The following SLCO4A1 variants were observed in gnomAD, a reference collection of about 807,000 sequenced individuals.
SLCO4A1 encodes the protein solute carrier organic anion transporter family member 4A1, also known as colon organic anion transporter.
Under a neutral mutation model 64.6 loss-of-function variants are expected in SLCO4A1, and 51 were observed. That is an observed-to-expected ratio of 0.79 (90% confidence interval 0.63 to 1.00). The LOEUF is 1.00. Among genes scored for constraint, SLCO4A1 ranks in the 50% least tolerant of loss-of-function variants. SLCO4A1 has a pLI of 0.00. For missense variants in SLCO4A1, 919 were observed against 980.5 expected, an observed-to-expected ratio of 0.94 and a Z score of 0.84; for synonymous variants, 471 against 444.9, an observed-to-expected ratio of 1.06 and a Z score of -0.74.
chr20:62,646,852 G>A (rs1981425529), intron 1 of SLCO4A1, among the ~76,000 whole-genome samples: 1 of 152,240 alleles, frequency 6.6e-6, no homozygotes, highest in African/African-American at 2.4e-5. Flanking sequence ...CCATGGATGG[G>A]ATGATGAGTC....
In SLCO4A1 at chr20:62,666,661, G is replaced by A. The variant is rs1986404813; in HGVS notation, c.1472+86G>A. 1.7e-5 allele frequency: 21 copies of A among 1,204,788 alleles called. No individual in the cohort carries two copies. The South Asian group carries it at 2.3e-4, about 13-fold the overall frequency. The allele number at this position is 1,204,788 out of a possible 1,614,324, so 74.6% of individuals were successfully genotyped here. On this transcript the variant is annotated intron_variant, in intron 7 of 11. Coordinates refer to ENST00000217159, the MANE Select transcript of SLCO4A1 (RefSeq NM_016354.4). ...ATGGAGGAGGAGTGGTGCAGCACTT[G>A]GGAGAGGTGGTTTTGAAAAGGGCTA...
chr20:62,672,775 G>A (rs1013649324), downstream of SLCO4A1, among the ~76,000 whole-genome samples: 17 of 152,142 alleles, frequency 1.1e-4, no homozygotes, highest in African/African-American at 4.1e-4. Flanking sequence ...GTGGGTGCAG[G>A]TCCCACAGGA....
Position 62,685,405 on chromosome 20 carries a change from CT to C in SLCO4A1, n.212-35del. On this transcript the variant is annotated intron_variant and non_coding_transcript_variant, in intron 2 of 2. Coordinates refer to the SLCO4A1 transcript ENST00000466818. The surrounding 1 kb of genome is among the most constrained non-coding windows in gnomAD (Gnocchi z 4.6). Reference sequence around the variant, plus strand: ...CTCTGCTGTGGCCTGACCAAGCGGGCTGTTTTCTTGCTTTGTTTGTTGTTTT... The same window carrying C: ...CTCTGCTGTGGCCTGACCAAGCGGGCGTTTTCTTGCTTTGTTTGTTGTTTT... The C allele has an allele frequency of 1.0e-6, 1 of 982,450 alleles. No homozygotes were observed. Among genetic ancestry groups the C allele is most frequent in the Non-Finnish European group, 1.2e-6 (1 of 827,210 alleles). The allele number at this position is 982,450 out of a possible 1,614,324, so 60.9% of individuals were successfully genotyped here. A position where few individuals can be genotyped will look rare whatever the true frequency, so the allele number is the denominator to read the frequency against.
intron 1 of SLCO4A1, chr20:62,643,338 T>G (rs1408738468): frequency 2.7e-5 from 6 of 218,608 alleles, no homozygotes; most frequent in Non-Finnish European, 5.7e-5. Flanking sequence ...AGACCGGCCC[T>G]AGACCGGGAA....
chr20:62,676,990 G>A (rs1378978727), downstream of SLCO4A1, among the ~76,000 whole-genome samples: 1 of 152,250 alleles, frequency 6.6e-6, no homozygotes, highest in Non-Finnish European at 1.5e-5. Flanking sequence ...GCGCTATGGT[G>A]TGCAGGTGCG....
intron 1 of SLCO4A1, among the ~76,000 whole-genome samples, chr20:62,655,345 C>T (rs993712614): frequency 1.1e-4 from 15 of 141,366 alleles, no homozygotes; most frequent in East Asian, 2.2e-4. Context: ...ACAGCAGCCC[C>T]GGGAAGGACC....
In SLCO4A1 at chr20:62,661,167, C is replaced by T; in HGVS notation, c.1113C>T (p.Asp371=). ...SNPDFGKTIR[D]LPLSIWLLLK... ...CGGACTTTGGGAAAACCATCAGAGA[C>T]CTGCCTCTGTAAGGACCGGAGTCGG... Residue 371 remains aspartate, a synonymous_variant, in exon 5 of 12, where the codon GAC becomes GAT. Coordinates refer to ENST00000217159, the MANE Select transcript of SLCO4A1 (RefSeq NM_016354.4). This position sits in a 1 kb window ranked among gnomAD's most constrained non-coding sequence, Gnocchi z 5.2. The T allele has an allele frequency of 6.2e-7, 1 of 1,611,914 alleles. No individual in the cohort carries two copies. Among genetic ancestry groups the T allele is most frequent in the Non-Finnish European group, 8.5e-7 (1 of 1,178,518 alleles).
intron 1 of SLCO4A1, chr20:62,650,676 T>C (rs1982313564): frequency 6.6e-6 from 1 of 152,200 alleles, no homozygotes; most frequent in South Asian, 2.1e-4. Flanking sequence ...GCATTTGTCA[T>C]TGATGGAACT....
rs1984216651 is a variant in SLCO4A1, at chr20:62,658,725, T to C, written c.845T>C (p.Ile282Thr). Residue 282 changes from isoleucine to threonine, a missense_variant, in exon 3 of 12, where the codon ATT becomes ACT. Transcript: ENST00000217159. ...AILGPAAGYL[I>T]GGALLNIYTE... ...CTGGGCCCAGCTGCCGGCTACCTGATTGGAGGTGCCCTGCTGAATATCTAC... is the reference window on the plus strand; with the variant it reads ...CTGGGCCCAGCTGCCGGCTACCTGACTGGAGGTGCCCTGCTGAATATCTAC... 6.2e-7 allele frequency: 1 copy of C among 1,612,214 alleles called. No homozygotes were observed. The highest frequency in any genetic ancestry group is 8.5e-7 in the Non-Finnish European group (1 of 1,179,566).
At position 62,685,773 on chromosome 20, in the gene SLCO4A1, G is replaced by T. The variant is rs1988040015; in HGVS notation, n.544G>T. 6.6e-6 allele frequency: 1 copy of T among 152,142 alleles called. No individual in the cohort carries two copies. The highest frequency in any genetic ancestry group is 1.5e-5 in the Non-Finnish European group (1 of 68,030). 9.4% of individuals were successfully genotyped at this position (152,142 alleles called of 1,614,324 possible). On this transcript the variant is annotated non_coding_transcript_exon_variant, in exon 3 of 3. Coordinates refer to the SLCO4A1 transcript ENST00000466818. The surrounding 1 kb of genome is among the most constrained non-coding windows in gnomAD (Gnocchi z 4.6). ...ATGCGCCCGTTCTAAGGAAATAAAG[G>T]GTTCTGCCCTCCTAAGAATTCTGCC...
At position 62,672,182 on chromosome 20, in the gene SLCO4A1, C is replaced by T. The variant is rs982828359; in HGVS notation, c.*289C>T. 13 of 1,315,706 alleles carry T rather than the reference C, an allele frequency of 9.9e-6. No individual in the cohort carries two copies. The highest frequency in any genetic ancestry group is 3.5e-5 in the East Asian group (1 of 28,654). 81.5% of individuals were successfully genotyped at this position (1,315,706 alleles called of 1,614,324 possible). ...GTGTGGTGTGCGTGAGGACAAACTCCGCAGGGGCTGTGAATCCCACTGGGA... is the reference window on the plus strand; with the variant it reads ...GTGTGGTGTGCGTGAGGACAAACTCTGCAGGGGCTGTGAATCCCACTGGGA... On this transcript the variant is annotated 3_prime_UTR_variant, in exon 12 of 12. Coordinates refer to ENST00000217159, the MANE Select transcript of SLCO4A1 (RefSeq NM_016354.4).
At chr20:62,642,964 C>T (rs1297452044) in intron 1 of SLCO4A1, 2 of 469,154 alleles carry the variant, frequency 4.3e-6, no homozygotes, top group South Asian at 1.6e-5. Flanking sequence ...ACAGATCCAG[C>T]TGGGGACGAA....
downstream of SLCO4A1, among the ~76,000 whole-genome samples, chr20:62,686,291 C>T (rs4809499): frequency 0.31 from 47,296 of 152,150 alleles, 7,548 homozygotes; most frequent in Non-Finnish European, 0.34. Context: ...GAGCCTTCCT[C>T]CCCCCAGCTG....
At chr20:62,669,358 C>A (rs1254772375) in intron 11 of SLCO4A1, among the ~76,000 whole-genome samples, 1 of 152,212 alleles carries the variant, frequency 6.6e-6, no homozygotes, top group South Asian at 2.1e-4. Context: ...CTGGGACTGC[C>A]CCTCCACAGT....
intron 5 of SLCO4A1, among the ~76,000 whole-genome samples, chr20:62,664,672 T>A (rs941947420): frequency 1.3e-5 from 2 of 152,170 alleles, no homozygotes; most frequent in African/African-American, 4.8e-5. Context: ...TTCTCTGGAA[T>A]AAGTGTGGGT....
chr20:62,656,680 C>A lies in SLCO4A1; in HGVS notation c.226C>A (p.Arg76=), dbSNP rs762226385. Residue 76 remains arginine, a synonymous_variant, in exon 2 of 12, where the codon CGG becomes AGG. Transcript: ENST00000217159. ...KHGARGTHEV[R]YVSAGQSVAC... ...TGGCGCCCGGGGGACCCATGAGGTG[C>A]GGTACGTCTCGGCCGGGCAGAGCGT... 89 of 1,607,676 alleles carry A rather than the reference C, an allele frequency of 5.5e-5. No individual in the cohort carries two copies. Among genetic ancestry groups the A allele is most frequent in the Non-Finnish European group, 7.6e-5 (89 of 1,177,680 alleles).
chr20:62,667,968 C>G, intron 8 of SLCO4A1, 44 bp from the exon 9 acceptor site: 1 of 1,613,818 alleles, frequency 6.2e-7, no homozygotes, highest in Non-Finnish European at 8.5e-7. Context: ...GAAGGGGCCC[C>G]CGTGCCTTCC....
intron 1 of SLCO4A1, among the ~76,000 whole-genome samples, chr20:62,652,664 T>C (rs982530106): frequency 2.0e-4 from 31 of 152,096 alleles, no homozygotes; most frequent in Non-Finnish European, 4.0e-4. Flanking sequence ...CCACGCACAC[T>C]CCCTTTCTGA....
At chr20:62,655,472 C>A (rs1983507982) in intron 1 of SLCO4A1, among the ~76,000 whole-genome samples, 1 of 152,242 alleles carries the variant, frequency 6.6e-6, no homozygotes, top group African/African-American at 2.4e-5. Flanking sequence ...ACCTGGGTTC[C>A]CCAGAAGGCC....
Sources: allele counts gnomAD v4.1 joint callset (sites outside exome capture counted in the v4.1 genomes callset), GRCh38; gene constraint gnomAD v4.1.1; non-coding constraint Gnocchi (gnomAD v3.1); transcripts MANE v1.5; gene names NCBI Gene and HGNC (gene_info 2026-07-23, HGNC 2026-07-21).